The following PCDH11Y variants were observed in gnomAD, a reference collection of about 807,000 sequenced individuals.
PCDH11Y encodes protocadherin 11 Y-linked, also known as protocadherin-11 Y-linked.
For synonymous variants in PCDH11Y, 9 were observed against 83.6 expected (o/e 0.11, Z 4.87); for missense variants, 12 against 224.8 (o/e 0.05, Z 6.05).
intron 1 of PCDH11Y, among the ~76,000 whole-genome samples, chrY:5,080,216 C>G: frequency 3.1e-5 from 1 of 32,495 alleles, no homozygotes; most frequent in Admixed American, 2.9e-4. Context: ...ATTTCACTAT[C>G]AACATTTTGG....
At chrY:5,486,704 TACAC>T (rs2053332404) in intron 2 of PCDH11Y, among the ~76,000 whole-genome samples, 1 of 7,412 alleles carries the variant, frequency 1.3e-4, no homozygotes, top group Non-Finnish European at 2.1e-4. Context: ...TATATATATA[TACAC>T]ATATATATAT....
chrY:5,019,289 G>C (rs2052565496), intron 1 of PCDH11Y: 1 of 33,068 alleles, frequency 3.0e-5, no homozygotes, highest in Non-Finnish European at 7.4e-5. Context: ...ACAGTGTTAC[G>C]GGCTGGGCGT....
intron 2 of PCDH11Y, among the ~76,000 whole-genome samples, chrY:5,291,339 G>T (rs2053067168): frequency 3.0e-5 from 1 of 33,628 alleles, no homozygotes; most frequent in Non-Finnish European, 7.3e-5. Context: ...GCGTCTTTTG[G>T]TTTTTCCAAC....
At chrY:5,686,564 T>G in intron 4 of PCDH11Y, among the ~76,000 whole-genome samples, 1 of 33,861 alleles carries the variant, frequency 3.0e-5, no homozygotes, top group Non-Finnish European at 7.4e-5. Flanking sequence ...ATTTTTCTCT[T>G]TGTAGCAATT....
At chrY:5,659,884 G>T in intron 4 of PCDH11Y, among the ~76,000 whole-genome samples, 1 of 27,977 alleles carries the variant, frequency 3.6e-5, no homozygotes, top group Non-Finnish European at 8.3e-5. Context: ...AATATGGCAG[G>T]TCACACCTGA....
At chrY:5,649,733 C>T (rs2053529716) in intron 4 of PCDH11Y, among the ~76,000 whole-genome samples, 1 of 32,952 alleles carries the variant, frequency 3.0e-5, no homozygotes, top group Non-Finnish European at 7.5e-5. Flanking sequence ...CATGCATGCC[C>T]CTTTTAAAGA....
intron 2 of PCDH11Y, among the ~76,000 whole-genome samples, chrY:5,115,075 A>T (rs2052807495): frequency 9.5e-5 from 3 of 31,447 alleles, no homozygotes; most frequent in Admixed American, 9.0e-4. Context: ...TCAAAGGAAA[A>T]ATTTAACGCA....
intron 2 of PCDH11Y, among the ~76,000 whole-genome samples, chrY:5,439,228 A>G: frequency 1.8e-4 from 6 of 33,399 alleles, no homozygotes; most frequent in Non-Finnish European, 4.4e-4. Context: ...ATAGTGTTGC[A>G]GTGAACATAC....
intron 3 of PCDH11Y, among the ~76,000 whole-genome samples, chrY:5,520,061 GA>G (rs2053378690): frequency 1.1e-4 from 3 of 27,214 alleles, no homozygotes; most frequent in Admixed American, 3.5e-4. Flanking sequence ...AAAAAAAAAA[GA>G]AAAAAAATCA....
intron 4 of PCDH11Y, among the ~76,000 whole-genome samples, chrY:5,734,628 T>C: frequency 6.2e-5 from 2 of 32,324 alleles, no homozygotes; most frequent in Non-Finnish European, 1.5e-4. Context: ...GGCCTGAGAT[T>C]AAAATACCTG....
intron 2 of PCDH11Y, among the ~76,000 whole-genome samples, chrY:5,280,322 G>T (rs207480230): frequency 3.1e-5 from 1 of 31,843 alleles, no homozygotes. Context: ...TGTTGTCCCC[G>T]CTATGTGTCA....
chrY:5,164,058 A>G (rs2052876958), intron 2 of PCDH11Y, among the ~76,000 whole-genome samples: 1 of 34,265 alleles, frequency 2.9e-5, no homozygotes, highest in African/African-American at 1.1e-4. Context: ...TGAAAACAGG[A>G]TCTCACTCTG....
chrY:5,321,667 A>G, intron 2 of PCDH11Y, among the ~76,000 whole-genome samples: 3 of 32,763 alleles, frequency 9.2e-5, no homozygotes, highest in Non-Finnish European at 2.2e-4. Flanking sequence ...AAGATTAGAA[A>G]GCAAAATTGA....
At chrY:5,326,977 A>ACG (rs2053122216) in intron 2 of PCDH11Y, among the ~76,000 whole-genome samples, 1 of 33,190 alleles carries the variant, frequency 3.0e-5, no homozygotes, top group African/African-American at 1.2e-4. Context: ...TTCTGACTGC[A>ACG]CTAACCATGC....
At chrY:5,654,095 A>G (rs2053534195) in intron 4 of PCDH11Y, among the ~76,000 whole-genome samples, 1 of 33,486 alleles carries the variant, frequency 3.0e-5, no homozygotes, top group African/African-American at 1.2e-4. Context: ...CTGCCTTACA[A>G]GAGCTCCTGA....
intron 2 of PCDH11Y, among the ~76,000 whole-genome samples, chrY:5,267,956 G>T: frequency 2.9e-5 from 1 of 35,010 alleles, no homozygotes; most frequent in South Asian, 6.0e-4. Flanking sequence ...AAGCCTAAAA[G>T]ATCTCTAGCA....
chrY:5,033,766 T>C (rs2052594520), intron 3 of PCDH11Y, among the ~76,000 whole-genome samples: 1 of 31,898 alleles, frequency 3.1e-5, no homozygotes, highest in Non-Finnish European at 7.7e-5. Context: ...ACATGATTCT[T>C]TTTCTTGTTC....
chrY:5,536,854 T>G, intron 3 of PCDH11Y, among the ~76,000 whole-genome samples: 1 of 33,339 alleles, frequency 3.0e-5, no homozygotes, highest in African/African-American at 1.2e-4. Flanking sequence ...TTGTTTGCTT[T>G]GTCAAAGATC....
At chrY:5,033,026 T>C in intron 3 of PCDH11Y, among the ~76,000 whole-genome samples, 3 of 32,679 alleles carry the variant, frequency 9.2e-5, no homozygotes, top group Admixed American at 2.8e-4. Context: ...TGTCCGTGGA[T>C]TGACAATTTC....
Sources: allele counts gnomAD v4.1 joint callset (sites outside exome capture counted in the v4.1 genomes callset), GRCh38; gene constraint gnomAD v4.1.1; transcripts MANE v1.5; gene names NCBI Gene and HGNC (gene_info 2026-07-23, HGNC 2026-07-21).